MINDY4: variants seen among roughly 807,000 people sequenced by gnomAD.
MINDY4 encodes the protein MINDY lysine 48 deubiquitinase 4, also known as probable ubiquitin carboxyl-terminal hydrolase MINDY-4.
A neutral mutation model predicts 87.0 loss-of-function variants in MINDY4; 68 were observed. The ratio of observed to expected loss-of-function variants is 0.78; its 90% CI spans 0.64 to 0.96. MINDY4 has a LOEUF of 0.96. Ranked by LOEUF, MINDY4 falls within the 40% of genes least tolerant of loss-of-function variation. The pLI, the probability that MINDY4 is intolerant of heterozygous loss-of-function variation, is 0.00. For missense variants in MINDY4, 919 were observed against 928.2 expected, an observed-to-expected ratio of 0.99 and a Z score of 0.13; for synonymous variants, 379 against 363.2, an observed-to-expected ratio of 1.04 and a Z score of -0.50.
In MINDY4 at chr7:30,859,301, C is replaced by T. The variant is rs1420299608; in HGVS notation, c.1722C>T (p.Ala574=). ...PYGCILLTLS[A]ILSRSTELIR... Reference sequence around the variant, plus strand: ...GCTGCATCCTGCTCACCCTTTCTGCCATCCTGTCCAGGTCTACAGAGCTGT... The same window carrying T: ...GCTGCATCCTGCTCACCCTTTCTGCTATCCTGTCCAGGTCTACAGAGCTGT... The change falls in exon 13 of 18, where the codon GCC becomes GCT. Residue 574 remains alanine (A), a synonymous_variant. Transcript: ENST00000265299. 1 of 1,614,138 alleles carries T rather than the reference C, an allele frequency of 6.2e-7. No individual in the cohort carries two copies. Among genetic ancestry groups the T allele is most frequent in the African/African-American group, 1.3e-5 (1 of 75,024 alleles).
intron 9 of MINDY4, among the ~76,000 whole-genome samples, chr7:30,841,866 T>G (rs536337670): frequency 2.0e-5 from 3 of 152,312 alleles, no homozygotes; most frequent in Non-Finnish European, 4.4e-5. Context: ...TCTTGCCAGT[T>G]CCTGAACTTT....
At chr7:30,851,153 G>A (rs1584314704) in intron 10 of MINDY4, among the ~76,000 whole-genome samples, 1 of 152,360 alleles carries the variant, frequency 6.6e-6, no homozygotes, top group Non-Finnish European at 1.5e-5. Context: ...CAGAGTGGAA[G>A]CATCGCTGTC....
chr7:30,839,694 T>C (rs2128567065), intron 8 of MINDY4, among the ~76,000 whole-genome samples: 1 of 152,058 alleles, frequency 6.6e-6, no homozygotes, highest in South Asian at 2.1e-4. Flanking sequence ...CAGATAGAGC[T>C]GGAGAAAGGG....
chr7:30,782,270 A>C lies in MINDY4; in HGVS notation c.419+58A>C, dbSNP rs888426633. Reference sequence around the variant, plus strand: ...CCTATTGCTGCCATAACAAATTACTATGTACTTCATGGCTGTTTCAGTCAG... The same window carrying C: ...CCTATTGCTGCCATAACAAATTACTCTGTACTTCATGGCTGTTTCAGTCAG... On this transcript the variant is annotated intron_variant, in intron 3 of 17. Transcript: ENST00000265299. 7.0e-6 allele frequency: 9 copies of C among 1,293,896 alleles called. No homozygotes were observed. The Admixed American group carries it at 1.7e-4, about 25-fold the overall frequency. 80.2% of individuals were successfully genotyped at this position (1,293,896 alleles called of 1,614,324 possible). A position where few individuals can be genotyped will look rare whatever the true frequency, so the allele number is the denominator to read the frequency against.
intron 5 of MINDY4, among the ~76,000 whole-genome samples, chr7:30,820,952 A>ATGTATTT (rs767226860): frequency 1.5e-4 from 23 of 152,192 alleles, no homozygotes; most frequent in Non-Finnish European, 3.2e-4. Flanking sequence ...ATTAACTGAA[A>ATGTATTT]TGTATTTTTT....
intron 17 of MINDY4, among the ~76,000 whole-genome samples, chr7:30,891,394 G>T (rs1790788693): frequency 6.8e-6 from 1 of 148,072 alleles, no homozygotes; most frequent in African/African-American, 2.6e-5. Flanking sequence ...TATACTCCGT[G>T]CTTCTTCAGG....
At chr7:30,867,435 C>G (rs1236068102) in intron 13 of MINDY4, among the ~76,000 whole-genome samples, 1 of 152,064 alleles carries the variant, frequency 6.6e-6, no homozygotes, top group Non-Finnish European at 1.5e-5. Flanking sequence ...ATGCCAAATG[C>G]TTTATATAGT....
At chr7:30,861,004 GAC>G (rs76707463) in intron 13 of MINDY4, among the ~76,000 whole-genome samples, 8,012 of 152,034 alleles carry the variant, frequency 0.053, 340 homozygotes, top group Middle Eastern at 0.075. Flanking sequence ...CACACACAGA[GAC>G]ACACACACAC....
chr7:30,777,848 G>C (rs1395001781), intron 1 of MINDY4, among the ~76,000 whole-genome samples: 2 of 152,204 alleles, frequency 1.3e-5, no homozygotes, highest in Non-Finnish European at 2.9e-5. Context: ...GCCAACCCCA[G>C]ATTTTCCATT....
chr7:30,772,456 C>A (rs1786673786), intron 1 of MINDY4, among the ~76,000 whole-genome samples: 1 of 152,180 alleles, frequency 6.6e-6, no homozygotes. Context: ...ATTTCGTTAT[C>A]TGTAAAACAG....
intron 5 of MINDY4, among the ~76,000 whole-genome samples, chr7:30,809,838 T>C (rs2128557798): frequency 6.6e-6 from 1 of 151,896 alleles, no homozygotes; most frequent in South Asian, 2.1e-4. Flanking sequence ...AAGAGTGTTA[T>C]ATAGCAAATT....
chr7:30,877,790 G>A (rs1790315606), intron 15 of MINDY4, among the ~76,000 whole-genome samples: 1 of 126,232 alleles, frequency 7.9e-6, no homozygotes, highest in Non-Finnish European at 1.6e-5. Context: ...TTCTGCCTCA[G>A]CCTCCTGAGT....
intron 15 of MINDY4, among the ~76,000 whole-genome samples, chr7:30,877,880 A>G (rs1432372233): frequency 8.5e-6 from 1 of 118,152 alleles, no homozygotes; most frequent in South Asian, 2.7e-4. Context: ...GGGTTTCACC[A>G]TATTGGCCAG....
chr7:30,829,699 C>T (rs1381121644), intron 6 of MINDY4, among the ~76,000 whole-genome samples: 1 of 152,198 alleles, frequency 6.6e-6, no homozygotes, highest in African/African-American at 2.4e-5. Flanking sequence ...CAGAGCTCCC[C>T]AGATGGGGTA....
intron 13 of MINDY4, among the ~76,000 whole-genome samples, chr7:30,866,534 C>T (rs975249349): frequency 1.3e-5 from 2 of 152,208 alleles, no homozygotes; most frequent in Admixed American, 1.3e-4. Context: ...AAGTCCTTGC[C>T]ACCTGGAGAG....
In MINDY4 at chr7:30,892,122, C is replaced by A; in HGVS notation, c.*117C>A. 1.8e-6 allele frequency: 2 copies of A among 1,116,594 alleles called. No homozygotes were observed. The highest frequency in any genetic ancestry group is 2.7e-6 in the Non-Finnish European group (2 of 737,246). The allele number at this position is 1,116,594 out of a possible 1,614,324, so 69.2% of individuals were successfully genotyped here. ...TGTACCCCAACCTGGGTCAGCATGA[C>A]TGCAGAAGCATCCAGAGCCTCCCTG... is the stretch of plus-strand genomic sequence containing the variant. On this transcript the variant is annotated 3_prime_UTR_variant, in exon 18 of 18. Coordinates refer to ENST00000265299, the MANE Select transcript of MINDY4 (RefSeq NM_032222.3).
chr7:30,876,955 C>T (rs1331775539), intron 15 of MINDY4, among the ~76,000 whole-genome samples: 1 of 152,244 alleles, frequency 6.6e-6, no homozygotes, highest in Admixed American at 6.5e-5. Flanking sequence ...TCCCACATGA[C>T]CACATGTTGG....
intron 10 of MINDY4, among the ~76,000 whole-genome samples, chr7:30,851,079 G>A (rs867924862): frequency 6.6e-6 from 1 of 152,172 alleles, no homozygotes; most frequent in African/African-American, 2.4e-5. Flanking sequence ...TCTCTTCACC[G>A]CTGGCCCCAT....
chr7:30,864,530 C>T (rs1789868303), intron 13 of MINDY4, among the ~76,000 whole-genome samples: 1 of 152,264 alleles, frequency 6.6e-6, no homozygotes, highest in African/African-American at 2.4e-5. Context: ...CTTTTGGCTC[C>T]TCTGTCCCAG....
Sources: allele counts gnomAD v4.1 joint callset (sites outside exome capture counted in the v4.1 genomes callset), GRCh38; gene constraint gnomAD v4.1.1; transcripts MANE v1.5; gene names NCBI Gene and HGNC (gene_info 2026-07-23, HGNC 2026-07-21).